ZNF548: variants seen among roughly 807,000 people sequenced by gnomAD.
ZNF548 encodes zinc finger protein 548.
In ZNF548, 10 loss-of-function variants were observed where a neutral mutation model predicts 10.2. The ratio of observed to expected loss-of-function variants is 0.98; its 90% confidence interval spans 0.60 to 1.66. The LOEUF (loss-of-function observed/expected upper bound fraction) is 1.66. Among genes scored for constraint, ZNF548 ranks in the 40% most tolerant of loss-of-function variants. The pLI is 0.00. For synonymous variants in ZNF548, 217 were observed against 223.5 expected, an observed-to-expected ratio of 0.97 and a Z score of 0.26; for missense variants, 599 against 657.0, an observed-to-expected ratio of 0.91 and a Z score of 0.97.
At chr19:57,390,164 G>A (rs751250190) in intron 1 of ZNF548, 50 bp downstream of exon 1, 1 of 1,591,408 alleles carries the variant, frequency 6.3e-7, no homozygotes, top group Non-Finnish European at 8.5e-7. Flanking sequence ...TCCCAGTGCT[G>A]AAGCCCCCTG....
At chr19:57,390,140 C>T in intron 1 of ZNF548, 26 bp downstream of exon 1, 2 of 1,605,670 alleles carry the variant, frequency 1.2e-6, no homozygotes, top group Non-Finnish European at 1.7e-6. Flanking sequence ...CAGGCTCCCC[C>T]GCCCGACCGG....
Position 57,394,698 on chromosome 19 carries a change from C to G in ZNF548, c.51+475C>G, listed in dbSNP as rs372592640. 1.5e-3 allele frequency among the ~76,000 whole-genome samples: 225 copies of G among 152,212 alleles called. 10 individuals are homozygous for G. In the South Asian group the frequency reaches 0.045, roughly 30 times the overall value. ...CTTTGGCTTCTGAGTGGAGGACAGACTGTGGAGGTGAGGGTAATGGAAGGG... is the reference window on the plus strand; with the variant it reads ...CTTTGGCTTCTGAGTGGAGGACAGAGTGTGGAGGTGAGGGTAATGGAAGGG... On this transcript the variant is annotated intron_variant, in intron 2 of 3. Transcript: ENST00000336128.
intron 2 of ZNF548, among the ~76,000 whole-genome samples, chr19:57,396,588 C>T (rs2088666494): frequency 6.6e-6 from 1 of 152,194 alleles, no homozygotes; most frequent in African/African-American, 2.4e-5. Context: ...GGGGACAGGC[C>T]AATGACTGAA....
Position 57,399,603 on chromosome 19 carries a change from A to G in ZNF548, c.1352A>G (p.His451Arg), listed in dbSNP as rs909285894. The change falls in exon 4 of 4, where the codon CAT becomes CGT. Residue 451 changes from histidine to arginine, a missense_variant. By Grantham distance (29) the His-to-Arg change is conservative. Coordinates refer to ENST00000336128, the MANE Select transcript of ZNF548 (RefSeq NM_001172773.2). This position sits in a 1 kb window ranked among gnomAD's most constrained non-coding sequence, Gnocchi z 4.0. Reference sequence around the variant, plus strand: ...CGTTACAACTCCAACCTCATTAAACATTGGAGAAATCACACTGGAGAAAGG... The same window carrying G: ...CGTTACAACTCCAACCTCATTAAACGTTGGAGAAATCACACTGGAGAAAGG... ...FFRYNSNLIK[H>R]WRNHTGERPY... The G allele has an allele frequency of 2.5e-6, 4 of 1,614,084 alleles. No individual in the cohort carries two copies. The highest frequency in any genetic ancestry group is 2.7e-5 in the African/African-American group (2 of 74,932).
intron 3 of ZNF548, 36 bp from the exon 4 acceptor site, chr19:57,398,394 T>C: frequency 6.3e-7 from 1 of 1,598,444 alleles, no homozygotes; most frequent in Non-Finnish European, 8.6e-7. Context: ...CCCACCAGAG[T>C]CAACATGCAC....
At position 57,399,208 on chromosome 19, in the gene ZNF548, G is replaced by C. The variant is rs757660473; in HGVS notation, c.957G>C (p.Arg319Ser). The C allele has an allele frequency of 6.8e-6, 11 of 1,613,962 alleles. No homozygotes were observed. The highest frequency in any genetic ancestry group is 1.1e-5 in the South Asian group (1 of 91,072). ...VRHQRVHTGE[R>S]PYECRECGKF... is the part of the protein sequence containing the mutation. ...ATCAGAGAGTTCACACCGGAGAAAG[G>C]CCGTATGAGTGCAGGGAATGTGGGA... Residue 319 changes from arginine (R) to serine (S), a missense_variant, in exon 4 of 4, where the codon AGG (arginine) becomes AGC (serine). Physicochemically the swap from Arg to Ser is moderately radical, Grantham distance 110. Transcript: ENST00000336128. This position sits in a 1 kb window ranked among gnomAD's most constrained non-coding sequence, Gnocchi z 4.0.
Position 57,400,266 on chromosome 19 carries a change from A to T in ZNF548, c.*377A>T, listed in dbSNP as rs192947303. The T allele has an allele frequency of 2.0e-4, 36 of 179,746 alleles. No individual in the cohort carries two copies. The highest frequency in any genetic ancestry group is 8.0e-4 in the Admixed American group (15 of 18,680). 11.1% of individuals were successfully genotyped at this position (179,746 alleles called of 1,614,324 possible). ...TGGTATTTATATACCACATTTATTT[A>T]TCCATTCATCTGTTAGTGGATACTT... On this transcript the variant is annotated 3_prime_UTR_variant, in exon 4 of 4. Coordinates refer to ENST00000336128, the MANE Select transcript of ZNF548 (RefSeq NM_001172773.2).
rs1315292951 is a variant in ZNF548, at chr19:57,399,596, A to G, written c.1345A>G (p.Ile449Val). The change falls in exon 4 of 4, where the codon ATT becomes GTT. Residue 449 changes from isoleucine to valine, a missense_variant. Transcript: ENST00000336128. This position sits in a 1 kb window ranked among gnomAD's most constrained non-coding sequence, Gnocchi z 4.0. ...GKFFRYNSNL[I>V]KHWRNHTGER... ...ATTCTTTCGTTACAACTCCAACCTC[A>G]TTAAACATTGGAGAAATCACACTGG... 4.3e-6 allele frequency: 7 copies of G among 1,613,664 alleles called. No homozygotes were observed. Among genetic ancestry groups the G allele is most frequent in the African/African-American group, 2.7e-5 (2 of 74,794 alleles).
rs1029160461 is a variant in ZNF548, at chr19:57,400,035, A to G, written c.*146A>G. The G allele has an allele frequency of 1.5e-6, 1 of 647,558 alleles. No individual in the cohort carries two copies. The highest frequency in any genetic ancestry group is 1.8e-5 in the African/African-American group (1 of 54,812). The allele number at this position is 647,558 out of a possible 1,614,324, so 40.1% of individuals were successfully genotyped here. A position where few individuals can be genotyped will look rare whatever the true frequency, so the allele number is the denominator to read the frequency against. ...TTCCCTACTTCCCCAGAAATGTCTC[A>G]ACTATATTTCTATACTCTATGGTAC... On this transcript the variant is annotated 3_prime_UTR_variant, in exon 4 of 4. Transcript: ENST00000336128.
chr19:57,394,705 G>A (rs2088653107), intron 2 of ZNF548, among the ~76,000 whole-genome samples: 1 of 152,142 alleles, frequency 6.6e-6, no homozygotes, highest in Non-Finnish European at 1.5e-5. Context: ...AGACTGTGGA[G>A]GTGAGGGTAA....
chr19:57,394,216 C>A lies in ZNF548; in HGVS notation c.44C>A (p.Pro15His). 6.2e-7 allele frequency: 1 copy of A among 1,604,434 alleles called. No individual in the cohort carries two copies. Among genetic ancestry groups the A allele is most frequent in the African/African-American group, 1.3e-5 (1 of 75,036 alleles). ...CCCCTGGCGATGGCAGAAATGGACC[C>A]TACACAGGTGAGTAGAGTGTTTCCT... ...EGPLAMAEMD[P>H]TQGRVVFEDV... Residue 15 changes from proline to histidine, a missense_variant, in exon 2 of 4, where the codon CCT becomes CAT. Coordinates refer to ENST00000336128, the MANE Select transcript of ZNF548 (RefSeq NM_001172773.2).
At chr19:57,390,595 T>A (rs889513658) in intron 1 of ZNF548, 18 of 155,666 alleles carry the variant, frequency 1.2e-4, no homozygotes. Flanking sequence ...GTGATGAGAT[T>A]CTTCATAGGC....
At chr19:57,391,030 C>G (rs7251514) in intron 1 of ZNF548, among the ~76,000 whole-genome samples, 68,927 of 151,944 alleles carry the variant, frequency 0.45, 16,898 homozygotes, top group African/African-American at 0.63. Flanking sequence ...GCATAGTGGT[C>G]AAGTCTGGGC....
In ZNF548 at chr19:57,394,077, A is replaced by G. The variant is rs144017777; in HGVS notation, c.16-111A>G. 3.8e-4 allele frequency: 452 copies of G among 1,185,020 alleles called. 3 individuals carry two copies. In the African/African-American group the frequency reaches 4.6e-3, roughly 12 times the overall value. 73.4% of individuals were successfully genotyped at this position (1,185,020 alleles called of 1,614,324 possible). On this transcript the variant is annotated intron_variant, in intron 1 of 3. Coordinates refer to ENST00000336128, the MANE Select transcript of ZNF548 (RefSeq NM_001172773.2). ...ACTGAGGCCTGAGGAACTTTATTCA[A>G]TGAATTGAGATCAGTTTGCTCCCAG...
chr19:57,398,808 C>T lies in ZNF548; in HGVS notation c.557C>T (p.Pro186Leu). 1 of 1,613,978 alleles carries T rather than the reference C, an allele frequency of 6.2e-7. No homozygotes were observed. The highest frequency in any genetic ancestry group is 8.5e-7 in the Non-Finnish European group (1 of 1,179,886). The change falls in exon 4 of 4, where the codon CCT becomes CTT. Residue 186 changes from proline (P) to leucine (L), a missense_variant. Coordinates refer to ENST00000336128, the MANE Select transcript of ZNF548 (RefSeq NM_001172773.2). ...ATSCLLQHQG[P>L]QSEWKPYRDT... ...TCATGCCTTCTCCAGCACCAGGGCC[C>T]TCAAAGCGAGTGGAAGCCATACAGG...
Position 57,401,686 on chromosome 19 carries a change from C to T in ZNF548, c.*1797C>T, listed in dbSNP as rs2088718302. 6.6e-6 allele frequency: 1 copy of T among 151,504 alleles called. No individual in the cohort carries two copies. The highest frequency in any genetic ancestry group is 1.5e-5 in the Non-Finnish European group (1 of 67,910). 9.4% of individuals were successfully genotyped at this position (151,504 alleles called of 1,614,324 possible). A position where few individuals can be genotyped will look rare whatever the true frequency, so the allele number is the denominator to read the frequency against. On this transcript the variant is annotated 3_prime_UTR_variant, in exon 4 of 4. Transcript: ENST00000336128. ...TATCAAATCCAATGCCAAGCATTTT[C>T]CCTATGCTTTATTCTAAGAATTTTA... is the stretch of plus-strand genomic sequence containing the variant.
Position 57,402,536 on chromosome 19 carries a change from G to C in ZNF548, c.*2647G>C, listed in dbSNP as rs2088725964. The stretch of plus-strand genomic sequence containing the variant: ...TTAGCTATAGGTAATAAATTGTTCT[G>C]ATTTTGTGTATCCAAGTGACATTGG... On this transcript the variant is annotated 3_prime_UTR_variant, in exon 4 of 4. Transcript: ENST00000336128. 6.6e-6 allele frequency: 1 copy of C among 152,180 alleles called. No individual in the cohort carries two copies. The highest frequency in any genetic ancestry group is 1.5e-5 in the Non-Finnish European group (1 of 68,030). 9.4% of individuals were successfully genotyped at this position (152,180 alleles called of 1,614,324 possible).
chr19:57,396,095 T>C (rs374733636), intron 2 of ZNF548, among the ~76,000 whole-genome samples: 1 of 152,074 alleles, frequency 6.6e-6, no homozygotes, highest in African/African-American at 2.4e-5. Flanking sequence ...ATGCCTGTGG[T>C]GTGGGCTGGG....
rs1447359114 is a variant in ZNF548 at position 57,400,293 on chromosome 19, G to A, written c.*404G>A. The A allele has an allele frequency of 5.9e-6, 1 of 170,746 alleles. No individual in the cohort carries two copies. The highest frequency in any genetic ancestry group is 1.6e-4 in the East Asian group (1 of 6,382). The allele number at this position is 170,746 out of a possible 1,614,324, so 10.6% of individuals were successfully genotyped here. On this transcript the variant is annotated 3_prime_UTR_variant, in exon 4 of 4. Coordinates refer to ENST00000336128, the MANE Select transcript of ZNF548 (RefSeq NM_001172773.2). ...CCATTCATCTGTTAGTGGATACTTG[G>A]GCTACTTCCACCTTTTGCCTATTGA...
Sources: gnomAD v4.1 joint callset for allele counts (sites outside exome capture counted in the v4.1 genomes callset) on GRCh38, gnomAD v4.1.1 for gene constraint, Gnocchi (gnomAD v3.1) non-coding constraint, MANE v1.5 for transcripts, NCBI Gene and HGNC (gene_info 2026-07-23, HGNC 2026-07-21) for gene names.